Variants in TSR1 observed in about 807,000 individuals in gnomAD.
TSR1 encodes pre-rRNA-processing protein TSR1 homolog.
In TSR1, 81 loss-of-function variants were observed where a neutral mutation model predicts 90.9. The observed-to-expected ratio is 0.89, with a 90% CI of 0.74 to 1.07. The LOEUF (loss-of-function observed/expected upper bound fraction) is 1.07, where lower values mean the gene tolerates loss of function less well. TSR1 is among the 50% of genes least tolerant of loss of function. The pLI is 0.00. For synonymous variants in TSR1, 362 were observed against 348.8 expected, an observed-to-expected ratio of 1.04 and a Z score of -0.42; for missense variants, 989 against 987.3, an observed-to-expected ratio of 1.00 and a Z score of -0.02.
intron 11 of TSR1, among the ~76,000 whole-genome samples, chr17:2,327,229 C>T (rs1356265304): frequency 6.6e-6 from 1 of 151,954 alleles, no homozygotes; most frequent in East Asian, 1.9e-4. Flanking sequence ...ACAGACTGGC[C>T]AACTTGGTGA....
At chr17:2,333,738 T>C (rs763430973) in intron 5 of TSR1, 22 bp from the exon 6 acceptor site, 26 of 1,613,404 alleles carry the variant, frequency 1.6e-5, no homozygotes, top group Admixed American at 1.2e-4. Context: ...AAGCAGGTGA[T>C]AGTCAACCAT....
At chr17:2,331,479 G>C (rs2064002643) in intron 8 of TSR1, among the ~76,000 whole-genome samples, 1 of 152,076 alleles carries the variant, frequency 6.6e-6, no homozygotes, top group African/African-American at 2.4e-5. Context: ...TCCTTGTTGA[G>C]TGAGTTCTCA....
At position 2,324,530 on chromosome 17, in the gene TSR1, C is replaced by A; in HGVS notation, c.2210G>T (p.Arg737Leu). The change falls in exon 14 of 15, where the codon CGG (arginine) becomes CTG (leucine). Residue 737 changes from arginine (R) to leucine (L), a missense_variant. Arg to Leu is a moderately radical substitution (Grantham distance 102). Transcript: ENST00000301364. ...TAAAGGTTCCTTGATATGTCCTCTC[C>A]GGCCCCACTTCGTTCTCAGTTCCAC... ...KPVELRTKWG[R>L]RGHIKEPLGT... 6.2e-7 allele frequency: 1 copy of A among 1,614,208 alleles called. No homozygotes were observed. The highest frequency in any genetic ancestry group is 1.6e-4 in the Middle Eastern group (1 of 6,062).
intron 11 of TSR1, among the ~76,000 whole-genome samples, chr17:2,327,900 A>G (rs532132360): frequency 5.3e-5 from 8 of 152,288 alleles, no homozygotes; most frequent in African/African-American, 1.9e-4. Context: ...TCCCAACTGT[A>G]TAAAATATGA....
In TSR1 at chr17:2,324,510, G is replaced by A. The variant is rs755085146; in HGVS notation, c.2230C>T (p.Pro744Ser). Residue 744 changes from proline (P) to serine (S), a missense_variant, in exon 14 of 15, where the codon CCT becomes TCT. Coordinates refer to ENST00000301364, the MANE Select transcript of TSR1 (RefSeq NM_018128.5). ...AAATCCCGTGTTTCCTTACCTAAAG[G>A]TTCCTTGATATGTCCTCTCCGGCCC... ...KWGRRGHIKE[P>S]LGTHGHMKCS... 6.2e-6 allele frequency: 10 copies of A among 1,614,046 alleles called. No homozygotes were observed. The highest frequency in any genetic ancestry group is 8.5e-6 in the Non-Finnish European group (10 of 1,180,032).
rs374738239 is a variant in TSR1, at chr17:2,323,096, G to T, written c.*1100C>A. 1.0e-4 allele frequency: 161 copies of T among 1,596,540 alleles called. 1 individual carries two copies. In the African/African-American group the frequency reaches 1.8e-3, roughly 18 times the overall value. ...TTCTTTTAGACATGCAGGCAATGTT[G>T]TGGTTTGTTGTTAAGATGTCTTAAT... On this transcript the variant is annotated 3_prime_UTR_variant, in exon 15 of 15. Transcript: ENST00000301364.
intron 11 of TSR1, 61 bp downstream of exon 11, chr17:2,329,282 C>T (rs1236875751): frequency 6.2e-7 from 1 of 1,610,888 alleles, no homozygotes; most frequent in Non-Finnish European, 8.5e-7. Flanking sequence ...GGCACCCCTC[C>T]ACCACAAGTC....
In TSR1 at chr17:2,330,940, T is replaced by C. The variant is rs188793607; in HGVS notation, c.1659+7A>G. 1,376 of 1,575,756 alleles carry C rather than the reference T, an allele frequency of 8.7e-4. 8 individuals are homozygous for C. The highest frequency in any genetic ancestry group is 8.3e-3 in the African/African-American group (603 of 72,930). On this transcript the variant is annotated splice_region_variant and intron_variant, in intron 9 of 14. Transcript: ENST00000301364. Reference sequence around the variant, plus strand: ...CAACATACAAGATGAACAAGGAGGATAGATACCTCAGCTCCTTCAACCTCT... The same window carrying C: ...CAACATACAAGATGAACAAGGAGGACAGATACCTCAGCTCCTTCAACCTCT...
In TSR1 at chr17:2,335,660, T is replaced by G. The variant is rs1223408685; in HGVS notation, c.272A>C (p.His91Pro). The G allele has an allele frequency of 1.2e-6, 2 of 1,614,128 alleles. No individual in the cohort carries two copies. Among genetic ancestry groups the G allele is most frequent in the South Asian group, 2.2e-5 (2 of 91,082 alleles). Residue 91 changes from histidine to proline, a missense_variant, in exon 3 of 15, where the codon CAC becomes CCC. Transcript: ENST00000301364. ...PPHQVLVVPL[H>P]SRISLPEAMQ... ...GGCCTCTGGCAGGGAAATTCTGCTG[T>G]GCAGGGGCACCACCAGTACCTGATG...
At chr17:2,330,739 C>A in intron 9 of TSR1, 114 bp from the exon 10 acceptor site, 1 of 1,204,144 alleles carries the variant, frequency 8.3e-7, no homozygotes, top group South Asian at 1.4e-5. Flanking sequence ...AGCCAACCCT[C>A]ATCCTTCAAG....
intron 10 of TSR1, among the ~76,000 whole-genome samples, chr17:2,329,694 C>A (rs118187432): frequency 5.5e-4 from 84 of 152,176 alleles, no homozygotes; most frequent in Admixed American, 3.5e-3. Flanking sequence ...TTTCATGCAC[C>A]CTTCAATGCT....
intron 11 of TSR1, among the ~76,000 whole-genome samples, chr17:2,327,483 C>T (rs368973780): frequency 2.0e-5 from 3 of 151,914 alleles, no homozygotes. Flanking sequence ...GATCCTCCTG[C>T]CTCAGTCTCT....
chr17:2,336,095 A>G lies in TSR1; in HGVS notation c.143T>C (p.Leu48Pro). ...KTLSKKVRKE[L>P]SRVDQRHRAS... ...GCGATGCCTCTGGTCGACTCTGCTG[A>G]GTTCTTTTCTCACCTTCTTGCTTAG... The change falls in exon 2 of 15, where the codon CTC becomes CCC. Residue 48 changes from leucine to proline, a missense_variant. Transcript: ENST00000301364. 6.2e-7 allele frequency: 1 copy of G among 1,614,126 alleles called. No homozygotes were observed. The highest frequency in any genetic ancestry group is 8.5e-7 in the Non-Finnish European group (1 of 1,180,020).
In TSR1 at chr17:2,336,346, G is replaced by A. The variant is rs775394381; in HGVS notation, c.82C>T (p.Gln28Ter). The A allele has an allele frequency of 3.1e-6, 5 of 1,614,072 alleles. No homozygotes were observed. The highest frequency in any genetic ancestry group is 2.2e-5 in the East Asian group (1 of 44,888). Residue 28 changes from glutamine (Q) to a stop codon, truncating the protein, a stop_gained, in exon 1 of 15, where the codon CAG becomes TAG. Transcript: ENST00000301364. LOFTEE classifies it high-confidence loss of function. ...ATCTCCTTACCCTTGCCGTCCCGCT[G>A]TGCAGATCCCCGACCCCGATGCCGT... is the stretch of plus-strand genomic sequence containing the variant. ...GGRHRGRGSA[Q>*]RDGKGRLALK...
chr17:2,322,411 A>C lies in TSR1; in HGVS notation c.*1785T>G, dbSNP rs2075537374. On this transcript the variant is annotated 3_prime_UTR_variant, in exon 15 of 15. Coordinates refer to ENST00000301364, the MANE Select transcript of TSR1 (RefSeq NM_018128.5). ...AATGGAAGGCTAGTATCAGACATAT[A>C]ATTTATTTATAAAGTGCTTGAAGAT... is the stretch of plus-strand genomic sequence containing the variant. The C allele has an allele frequency of 6.6e-6, 1 of 152,242 alleles. No homozygotes were observed. Among genetic ancestry groups the C allele is most frequent in the Non-Finnish European group, 1.5e-5 (1 of 68,076 alleles). 9.4% of individuals were successfully genotyped at this position (152,242 alleles called of 1,614,324 possible). A position where few individuals can be genotyped will look rare whatever the true frequency, so the allele number is the denominator to read the frequency against.
intron 5 of TSR1, 57 bp downstream of exon 5, chr17:2,334,415 A>C (rs773890503): frequency 2.6e-6 from 4 of 1,553,628 alleles, no homozygotes; most frequent in Non-Finnish European, 3.5e-6. Flanking sequence ...CTCTGAATTT[A>C]AGTTTCCTTC....
chr17:2,330,480 AC>A lies in TSR1; in HGVS notation c.1770+34del, dbSNP rs776388207. On this transcript the variant is annotated intron_variant, in intron 10 of 14. Transcript: ENST00000301364. Reference sequence around the variant, plus strand: ...CTGTCAGAAGCAGCTGGAAAGTTTCACAACCCCCCATTTTCCCACAAGACAG... The same window carrying A: ...CTGTCAGAAGCAGCTGGAAAGTTTCAAACCCCCCATTTTCCCACAAGACAG... The A allele has an allele frequency of 4.4e-6, 7 of 1,591,182 alleles. No homozygotes were observed. In the African/African-American group the frequency reaches 9.4e-5, roughly 21 times the overall value.
intron 6 of TSR1, 89 bp from the exon 7 acceptor site, chr17:2,333,213 G>A: frequency 6.9e-7 from 1 of 1,444,748 alleles, no homozygotes. Context: ...ACCAGATACT[G>A]CTGCCAACAT....
Position 2,329,620 on chromosome 17 carries a change from C to T in TSR1, c.1771-145G>A, listed in dbSNP as rs1243604952. 4 of 1,018,352 alleles carry T rather than the reference C, an allele frequency of 3.9e-6. No individual in the cohort carries two copies. The East Asian group carries it at 1.0e-4, about 26-fold the overall frequency. The allele number at this position is 1,018,352 out of a possible 1,614,324, so 63.1% of individuals were successfully genotyped here. On this transcript the variant is annotated intron_variant, in intron 10 of 14. Transcript: ENST00000301364. ...TAATGGTGGAGTGTAGATGCTGAAA[C>T]ACGGGTTCATCCTTTACCTCCACCA...
Sources: allele counts gnomAD v4.1 joint callset (sites outside exome capture counted in the v4.1 genomes callset), GRCh38; gene constraint gnomAD v4.1.1; transcripts MANE v1.5; gene names NCBI Gene and HGNC (gene_info 2026-07-23, HGNC 2026-07-21).